The following ZNF33B variants were observed in gnomAD, a reference collection of about 807,000 sequenced individuals.
ZNF33B encodes the protein zinc finger protein 11b (KOX 2).
A neutral mutation model predicts 45.8 loss-of-function variants in ZNF33B; 29 were observed. The observed-to-expected ratio is 0.63, with a 90% CI of 0.47 to 0.86. The LOEUF (loss-of-function observed/expected upper bound fraction) is 0.86, where lower values mean the gene tolerates loss of function less well. Ranked by LOEUF, ZNF33B falls within the 40% of genes least tolerant of loss-of-function variation. The pLI is 0.00. For missense variants in ZNF33B, 831 were observed against 909.9 expected (o/e 0.91, Z 1.12); for synonymous variants, 305 against 307.8 (o/e 0.99, Z 0.10).
intron 1 of ZNF33B, among the ~76,000 whole-genome samples, chr10:42,575,734 A>ATTTT (rs1308584648): frequency 5.5e-5 from 8 of 146,652 alleles, no homozygotes; most frequent in African/African-American, 1.8e-4. Context: ...ATATACATAT[A>ATTTT]TATTTTTTTT....
At chr10:42,635,612 C>T (rs1380449758) in intron 2 of ZNF33B, among the ~76,000 whole-genome samples, 23 of 149,318 alleles carry the variant, frequency 1.5e-4, no homozygotes, top group African/African-American at 4.9e-4. Context: ...GAGACTGAGA[C>T]CAGCCTGGCC....
At position 42,593,249 on chromosome 10, in the gene ZNF33B, G is replaced by A. The variant is rs752103421; in HGVS notation, c.1701C>T (p.Thr567=). 4 of 1,613,670 alleles carry A rather than the reference G, an allele frequency of 2.5e-6. No individual in the cohort carries two copies. The highest frequency in any genetic ancestry group is 3.3e-5 in the Admixed American group (2 of 59,812). The part of the protein sequence containing the change: ...ECGKFFSHKS[T]LSQHYRTHTG... ...TGTGTGTTCTATAATGTTGAGAGAG[G>A]GTTGACTTATGGCTAAAGAATTTCC... Residue 567 remains threonine, a synonymous_variant, in exon 5 of 5, where the codon ACC becomes ACT. Coordinates refer to ENST00000359467, the MANE Select transcript of ZNF33B (RefSeq NM_006955.3).
At position 42,593,027 on chromosome 10, in the gene ZNF33B, C is replaced by G. The variant is rs1395671641; in HGVS notation, c.1923G>C (p.Glu641Asp). 2 of 1,613,876 alleles carry G rather than the reference C, an allele frequency of 1.2e-6. No individual in the cohort carries two copies. Among genetic ancestry groups the G allele is most frequent in the Non-Finnish European group, 1.7e-6 (2 of 1,179,952 alleles). Residue 641 changes from glutamate to aspartate, a missense_variant, in exon 5 of 5, where the codon GAG becomes GAC. Physicochemically the swap from Glu to Asp is conservative, Grantham distance 45. Coordinates refer to ENST00000359467, the MANE Select transcript of ZNF33B (RefSeq NM_006955.3). ...ACTTATGGCAGAAAGCTTTTCCACACTCATTACATTCATAGGGTTTCTCCC... is the reference window on the plus strand; with the variant it reads ...ACTTATGGCAGAAAGCTTTTCCACAGTCATTACATTCATAGGGTTTCTCCC... ...HIGEKPYECN[E>D]CGKAFCHKSA...
chr10:42,607,356 G>A (rs1192743614), intron 4 of ZNF33B, among the ~76,000 whole-genome samples: 2 of 150,602 alleles, frequency 1.3e-5, no homozygotes, highest in African/African-American at 2.4e-5. Flanking sequence ...AACATAGAGA[G>A]TGGAATGAGA....
At chr10:42,611,796 T>G (rs1378950703) in intron 4 of ZNF33B, among the ~76,000 whole-genome samples, 1 of 152,238 alleles carries the variant, frequency 6.6e-6, no homozygotes, top group African/African-American at 2.4e-5. Context: ...GAATTGATTT[T>G]TCTCTATTAA....
intron 1 of ZNF33B, among the ~76,000 whole-genome samples, chr10:42,576,562 C>T (rs557301791): frequency 3.1e-4 from 47 of 152,202 alleles, no homozygotes; most frequent in Admixed American, 7.9e-4. Flanking sequence ...CCCACACCCA[C>T]CAGTGCTTTC....
rs763406335 is a variant in ZNF33B, at chr10:42,583,168, G to C, written c.74-8490C>G. ...GTGAGAACAATATTTGAAAATGTCT[G>C]TCTTAGGGTTGATGTGAAGATGGCC... On this transcript the variant is annotated intron_variant, in intron 1 of 1. Transcript: ENST00000462075. The C allele has an allele frequency of 1.0e-5, 8 of 776,830 alleles. No individual in the cohort carries two copies. The South Asian group carries it at 1.1e-4, about 10-fold the overall frequency. The allele number at this position is 776,830 out of a possible 1,614,324, so 48.1% of individuals were successfully genotyped here.
At chr10:42,613,540 T>C (rs1200875250) in intron 4 of ZNF33B, among the ~76,000 whole-genome samples, 2 of 145,890 alleles carry the variant, frequency 1.4e-5, no homozygotes, top group Admixed American at 1.4e-4. Context: ...AGAGCGAGAC[T>C]CTCTCTCAAA....
intron 4 of ZNF33B, among the ~76,000 whole-genome samples, chr10:42,630,713 A>C (rs1202225137): frequency 1.3e-5 from 2 of 152,180 alleles, no homozygotes; most frequent in Admixed American, 1.3e-4. Flanking sequence ...TGAGCTCTCT[A>C]TGCCCTATGC....
At chr10:42,595,473 A>G (rs1228980564) in intron 4 of ZNF33B, among the ~76,000 whole-genome samples, 2 of 149,484 alleles carry the variant, frequency 1.3e-5, no homozygotes, top group East Asian at 3.9e-4. Flanking sequence ...TTAAAGACTT[A>G]TTAAAGACAT....
downstream of ZNF33B, among the ~76,000 whole-genome samples, chr10:42,586,454 T>C (rs567740046): frequency 5.9e-5 from 9 of 151,382 alleles, no homozygotes; most frequent in Middle Eastern, 3.4e-3. Flanking sequence ...CAGCCTTTTG[T>C]TTTTCAAAGA....
chr10:42,631,676 G>C, intron 4 of ZNF33B: 1 of 382,316 alleles, frequency 2.6e-6, no homozygotes, highest in Non-Finnish European at 4.7e-6. Flanking sequence ...CAGTAAAGTT[G>C]AGGTGGGCAA....
intron 4 of ZNF33B, among the ~76,000 whole-genome samples, chr10:42,599,574 C>CCATATATGACAAACGT (rs1168847580): frequency 5.3e-5 from 8 of 151,168 alleles, no homozygotes; most frequent in Non-Finnish European, 1.0e-4. Context: ...ACATTATATC[C>CCATATATGACAAACGT]CATATATGAC....
At chr10:42,585,474 GA>G (rs897308956), downstream of ZNF33B, among the ~76,000 whole-genome samples, 2 of 152,208 alleles carry the variant, frequency 1.3e-5, no homozygotes, top group African/African-American at 4.8e-5. Flanking sequence ...ATTTCATCTT[GA>G]TGTCGGTTCA....
downstream of ZNF33B, among the ~76,000 whole-genome samples, chr10:42,586,850 C>A (rs1423463855): frequency 6.6e-6 from 1 of 152,198 alleles, no homozygotes; most frequent in Non-Finnish European, 1.5e-5. Flanking sequence ...TGTACTATAA[C>A]AAACCACCTG....
intron 2 of ZNF33B, among the ~76,000 whole-genome samples, chr10:42,633,985 T>C (rs1233531449): frequency 2.1e-5 from 3 of 139,894 alleles, no homozygotes; most frequent in Non-Finnish European, 4.7e-5. Flanking sequence ...AAAAAAAAAA[T>C]GAAGCATAAT....
Position 42,632,376 on chromosome 10 carries a change from C to T in ZNF33B, c.73G>A (p.Glu25Lys), listed in dbSNP as rs1212175986. Reference protein sequence around the residue: ...KDVTVGFTQEEWQHLDPSQRA... With the variant: ...KDVTVGFTQEKWQHLDPSQRA... ...TGACTAGGGTCCAGGTGCTGCCACT[C>T]CTCCTGGGTGAAGCCCACAGTCACA... Residue 25 changes from glutamate (E) to lysine (K), a missense_variant, in exon 3 of 5, where the codon GAG becomes AAG. Glu to Lys is a moderately conservative substitution (Grantham distance 56). Coordinates refer to ENST00000359467, the MANE Select transcript of ZNF33B (RefSeq NM_006955.3). The T allele has an allele frequency of 1.2e-6, 2 of 1,613,880 alleles. No individual in the cohort carries two copies. Among genetic ancestry groups the T allele is most frequent in the Non-Finnish European group, 1.7e-6 (2 of 1,179,946 alleles).
intron 1 of ZNF33B, among the ~76,000 whole-genome samples, chr10:42,577,431 CACTT>C (rs909348372): frequency 4.6e-5 from 7 of 152,182 alleles, no homozygotes; most frequent in African/African-American, 9.7e-5. Context: ...GTGACCTCCT[CACTT>C]AGTCAGCAAG....
At chr10:42,626,731 G>T (rs1252835158) in intron 4 of ZNF33B, among the ~76,000 whole-genome samples, 9 of 139,642 alleles carry the variant, frequency 6.4e-5, no homozygotes, top group Non-Finnish European at 1.1e-4. Flanking sequence ...ATAAAATAAA[G>T]AAATGTTCCT....
Sources: gnomAD v4.1 joint callset for allele counts (sites outside exome capture counted in the v4.1 genomes callset) on GRCh38, gnomAD v4.1.1 for gene constraint, MANE v1.5 for transcripts, NCBI Gene and HGNC (gene_info 2026-07-23, HGNC 2026-07-21) for gene names.